The following GABRA2 variants were observed in gnomAD, a reference collection of about 807,000 sequenced individuals.
The protein encoded by GABRA2 is gamma-aminobutyric acid receptor subunit alpha-2.
GABRA2 carries 16 observed loss-of-function variants against 48.7 expected under a neutral mutation model. The ratio of observed to expected loss-of-function variants is 0.33; its 90% confidence interval spans 0.22 to 0.50. The LOEUF (loss-of-function observed/expected upper bound fraction) is 0.50, where lower values mean the gene tolerates loss of function less well. Ranked by LOEUF, GABRA2 falls within the 20% of genes least tolerant of loss-of-function variation. The probability of loss-of-function intolerance (pLI) is 0.98; values close to 1 mark genes in which losing one functional copy is unlikely to be tolerated. For missense variants in GABRA2, 275 were observed against 535.6 expected, an observed-to-expected ratio of 0.51 and a Z score of 4.80; for synonymous variants, 185 against 184.5, an observed-to-expected ratio of 1.00 and a Z score of -0.02.
At chr4:46,319,510 G>C (rs572915345) in intron 4 of GABRA2, among the ~76,000 whole-genome samples, 1 of 151,790 alleles carries the variant, frequency 6.6e-6, no homozygotes, top group Non-Finnish European at 1.5e-5. Flanking sequence ...AATACTTTCA[G>C]TTGGTACTCA....
intron 8 of GABRA2, among the ~76,000 whole-genome samples, chr4:46,293,506 C>T (rs1017702003): frequency 2.0e-5 from 3 of 152,084 alleles, no homozygotes; most frequent in Non-Finnish European, 2.9e-5. Context: ...AAAGTAGGGG[C>T]TTATGGAGGT....
intron 9 of GABRA2, among the ~76,000 whole-genome samples, 177 bp from the exon 10 acceptor site, chr4:46,250,781 G>A (rs181470773): frequency 7.3e-5 from 11 of 151,620 alleles, no homozygotes; most frequent in African/African-American, 2.7e-4. Flanking sequence ...CCATTACGGT[G>A]AGAAAACCCC....
intron 8 of GABRA2, among the ~76,000 whole-genome samples, chr4:46,272,363 C>T (rs1719502520): frequency 6.6e-6 from 1 of 151,612 alleles, no homozygotes; most frequent in South Asian, 2.1e-4. Context: ...TTGAAACCAC[C>T]CCACCAGTAA....
chr4:46,343,150 CT>C (rs990460396), intron 3 of GABRA2, among the ~76,000 whole-genome samples: 18 of 151,910 alleles, frequency 1.2e-4, no homozygotes, highest in African/African-American at 4.3e-4. Context: ...TCTCCCTTAC[CT>C]TGCCCTGTTT....
At chr4:46,354,116 C>A (rs987535878) in intron 3 of GABRA2, among the ~76,000 whole-genome samples, 1 of 152,152 alleles carries the variant, frequency 6.6e-6, no homozygotes, top group African/African-American at 2.4e-5. Flanking sequence ...TTTATTTTGT[C>A]TCATAAACCC....
chr4:46,353,367 C>G (rs899901594), intron 3 of GABRA2, among the ~76,000 whole-genome samples: 4 of 152,186 alleles, frequency 2.6e-5, no homozygotes, highest in African/African-American at 9.6e-5. Flanking sequence ...CCCAGACAGT[C>G]TACTCTCACC....
At chr4:46,303,274 A>G (rs560566413) in intron 8 of GABRA2, 186 bp downstream of exon 8, 6 of 572,274 alleles carry the variant, frequency 1.0e-5, no homozygotes, top group African/African-American at 3.8e-5. Context: ...TTCTTTCCTT[A>G]TATCCCTTAT....
At chr4:46,327,479 A>G (rs2109785302) in intron 4 of GABRA2, among the ~76,000 whole-genome samples, 1 of 152,136 alleles carries the variant, frequency 6.6e-6, no homozygotes, top group Admixed American at 6.6e-5. Context: ...CAGCTTCTAC[A>G]TGCTGGCTTT....
chr4:46,295,402 G>A (rs139165810), intron 8 of GABRA2, among the ~76,000 whole-genome samples: 7 of 152,346 alleles, frequency 4.6e-5, no homozygotes, highest in African/African-American at 1.7e-4. Context: ...GGACCCCTCT[G>A]AGTGGTTAAA....
chr4:46,283,431 G>A lies in GABRA2; in HGVS notation c.856+20029C>T, dbSNP rs191589229. On this transcript the variant is annotated intron_variant, in intron 8 of 9. Coordinates refer to ENST00000381620, the MANE Select transcript of GABRA2 (RefSeq NM_000807.4). ...AATGCCTGATGCCCATGGTGCTGCC[G>A]TACTAGCCTTGGACCAACTACTTGT... 3.4e-3 allele frequency among the ~76,000 whole-genome samples: 511 copies of A among 152,254 alleles called. 3 individuals are homozygous for A. The highest frequency in any genetic ancestry group is 6.2e-3 in the Non-Finnish European group (422 of 68,024).
intron 3 of GABRA2, chr4:46,367,660 T>C (rs1230851648): frequency 7.9e-5 from 12 of 152,138 alleles, no homozygotes; most frequent in Non-Finnish European, 1.5e-5. Flanking sequence ...ATTAATATCA[T>C]ATCTTCATAA....
intron 3 of GABRA2, among the ~76,000 whole-genome samples, chr4:46,384,875 A>T (rs750177525): frequency 9.9e-5 from 15 of 152,002 alleles, no homozygotes; most frequent in Non-Finnish European, 1.5e-4. Flanking sequence ...CATATATTAA[A>T]CAACTGAATT....
At chr4:46,253,189 G>C (rs1298897580) in intron 9 of GABRA2, among the ~76,000 whole-genome samples, 1 of 151,068 alleles carries the variant, frequency 6.6e-6, no homozygotes, top group Non-Finnish European at 1.5e-5. Flanking sequence ...TTTTGCAACA[G>C]GAGTCTCCAG....
chr4:46,248,599 A>G lies in GABRA2; in HGVS notation c.*1709T>C, dbSNP rs963363534. The G allele has an allele frequency of 1.3e-5, 2 of 151,460 alleles. No individual in the cohort carries two copies. Among genetic ancestry groups the G allele is most frequent in the Non-Finnish European group, 3.0e-5 (2 of 67,618 alleles). 9.4% of individuals were successfully genotyped at this position (151,460 alleles called of 1,614,324 possible). A position where few individuals can be genotyped will look rare whatever the true frequency, so the allele number is the denominator to read the frequency against. On this transcript the variant is annotated 3_prime_UTR_variant, in exon 10 of 10. Transcript: ENST00000381620. The stretch of plus-strand genomic sequence containing the variant: ...ACAAGCATGCAAAGCATATAATAGA[A>G]TCACATGGAAACAAAGAAATTTTAA...
intron 8 of GABRA2, among the ~76,000 whole-genome samples, chr4:46,294,484 A>G (rs1470195890): frequency 1.3e-5 from 2 of 152,164 alleles, no homozygotes; most frequent in Non-Finnish European, 2.9e-5. Flanking sequence ...GTGTCACTCC[A>G]TCCCATTTAT....
At chr4:46,359,610 A>C (rs1174169092) in intron 3 of GABRA2, among the ~76,000 whole-genome samples, 1 of 152,186 alleles carries the variant, frequency 6.6e-6, no homozygotes, top group Non-Finnish European at 1.5e-5. Flanking sequence ...TCAAGAGAGA[A>C]GGTAATTATT....
intron 3 of GABRA2, among the ~76,000 whole-genome samples, chr4:46,348,123 C>G (rs2109889827): frequency 6.6e-6 from 1 of 152,194 alleles, no homozygotes; most frequent in South Asian, 2.1e-4. Flanking sequence ...AGGATATCAA[C>G]AGACACTTCT....
At chr4:46,384,217 C>T (rs1717145387) in intron 3 of GABRA2, among the ~76,000 whole-genome samples, 1 of 151,992 alleles carries the variant, frequency 6.6e-6, no homozygotes, top group Non-Finnish European at 1.5e-5. Context: ...AAATGGGGAG[C>T]CACTGTTGGC....
intron 3 of GABRA2, among the ~76,000 whole-genome samples, chr4:46,343,397 C>G (rs550069535): frequency 6.6e-6 from 1 of 151,982 alleles, no homozygotes; most frequent in Non-Finnish European, 1.5e-5. Flanking sequence ...ATTCCTTAAA[C>G]AAATTATATA....
Sources: allele counts gnomAD v4.1 joint callset (sites outside exome capture counted in the v4.1 genomes callset), GRCh38; gene constraint gnomAD v4.1.1; transcripts MANE v1.5; gene names NCBI Gene and HGNC (gene_info 2026-07-23, HGNC 2026-07-21).